NELL2: variants seen among roughly 807,000 people sequenced by gnomAD.
The protein encoded by NELL2 is protein kinase C-binding protein NELL2.
A neutral mutation model predicts 109.6 loss-of-function variants in NELL2; 41 were observed. The ratio of observed to expected loss-of-function variants is 0.37; its 90% CI spans 0.29 to 0.49. The LOEUF is 0.49. Among genes scored for constraint, NELL2 ranks in the 20% least tolerant of loss-of-function variants. The pLI, the probability that NELL2 is intolerant of heterozygous loss-of-function variation, is 0.98. For missense variants in NELL2, 900 were observed against 1,008.3 expected, an observed-to-expected ratio of 0.89 and a Z score of 1.45; for synonymous variants, 355 against 344.7, an observed-to-expected ratio of 1.03 and a Z score of -0.33.
chr12:44,614,960 TTA>T (rs1945765729), intron 13 of NELL2, among the ~76,000 whole-genome samples: 1 of 152,070 alleles, frequency 6.6e-6, no homozygotes, highest in Admixed American at 6.6e-5. Flanking sequence ...TAAATTCAAT[TTA>T]GTACATTTTT....
At chr12:44,812,230 A>T (rs1372267412) in intron 3 of NELL2, among the ~76,000 whole-genome samples, 1 of 152,176 alleles carries the variant, frequency 6.6e-6, no homozygotes, top group African/African-American at 2.4e-5. Flanking sequence ...TTGGTTGTAT[A>T]TGACTGTCTT....
At chr12:44,916,191 C>T (rs1220801101), upstream of NELL2, among the ~76,000 whole-genome samples, 1 of 152,084 alleles carries the variant, frequency 6.6e-6, no homozygotes, top group Admixed American at 6.5e-5. Context: ...CAATGTTAGC[C>T]ACATGAAAGC....
At chr12:44,632,267 G>C (rs1215592438) in intron 13 of NELL2, among the ~76,000 whole-genome samples, 2 of 152,084 alleles carry the variant, frequency 1.3e-5, no homozygotes, top group East Asian at 3.8e-4. Flanking sequence ...ATACAAGTCA[G>C]GTGTCTAATC....
intron 13 of NELL2, among the ~76,000 whole-genome samples, chr12:44,626,254 C>T (rs1030336699): frequency 6.6e-6 from 1 of 152,174 alleles, no homozygotes. Flanking sequence ...GCCATGGCCA[C>T]AGTGTGCCCT....
intron 2 of NELL2, among the ~76,000 whole-genome samples, chr12:44,820,806 A>T (rs1423361362): frequency 1.3e-5 from 2 of 152,176 alleles, no homozygotes; most frequent in African/African-American, 4.8e-5. Flanking sequence ...TAGTGATTTT[A>T]AAATGCCATA....
chr12:44,519,788 T>G (rs750547229), intron 19 of NELL2, among the ~76,000 whole-genome samples: 1 of 152,180 alleles, frequency 6.6e-6, no homozygotes, highest in Non-Finnish European at 1.5e-5. Flanking sequence ...CGGATCATTC[T>G]GGTTTTAGTC....
chr12:44,698,255 G>T (rs1333671196), intron 12 of NELL2, among the ~76,000 whole-genome samples: 4 of 152,174 alleles, frequency 2.6e-5, no homozygotes, highest in African/African-American at 9.7e-5. Flanking sequence ...TAAATGTGAG[G>T]TGGGGTGTGA....
chr12:44,864,203 A>C (rs2136815420), intron 2 of NELL2, among the ~76,000 whole-genome samples: 1 of 152,312 alleles, frequency 6.6e-6, no homozygotes, highest in Middle Eastern at 3.4e-3. Context: ...ACCTGTAGTA[A>C]GTTCTTACCT....
At chr12:44,757,777 A>G (rs963925382) in intron 9 of NELL2, among the ~76,000 whole-genome samples, 5 of 152,124 alleles carry the variant, frequency 3.3e-5, no homozygotes, top group Admixed American at 2.0e-4. Context: ...CAGTATTTTT[A>G]TAATAGTGAA....
At chr12:44,774,587 A>C (rs182556566) in intron 9 of NELL2, 160 bp downstream of exon 9, 68 of 635,550 alleles carry the variant, frequency 1.1e-4, no homozygotes, top group Middle Eastern at 3.6e-4. Flanking sequence ...TTAAAATGGA[A>C]AAGAACTAAT....
intron 2 of NELL2, among the ~76,000 whole-genome samples, chr12:44,821,805 C>A (rs921221291): frequency 5.9e-5 from 9 of 152,116 alleles, no homozygotes; most frequent in African/African-American, 2.2e-4. Flanking sequence ...GCAACCTTCG[C>A]CTCCCAGGTT....
At chr12:44,860,909 G>A (rs1001841041) in intron 2 of NELL2, among the ~76,000 whole-genome samples, 6 of 152,102 alleles carry the variant, frequency 3.9e-5, no homozygotes, top group Admixed American at 3.9e-4. Flanking sequence ...CCAGCCCACT[G>A]AAGTATCAAC....
chr12:44,839,074 T>G (rs1395237011), intron 2 of NELL2, among the ~76,000 whole-genome samples: 1 of 152,152 alleles, frequency 6.6e-6, no homozygotes, highest in Admixed American at 6.6e-5. Flanking sequence ...CCGCGCACGC[T>G]TCAATCTGTG....
At chr12:44,693,492 A>T (rs1204137822) in intron 12 of NELL2, among the ~76,000 whole-genome samples, 1 of 152,212 alleles carries the variant, frequency 6.6e-6, no homozygotes, top group Non-Finnish European at 1.5e-5. Flanking sequence ...GTCTTCAATT[A>T]GCTTTGTATG....
chr12:44,561,000 TC>T (rs1441519640), intron 15 of NELL2, among the ~76,000 whole-genome samples: 2 of 152,212 alleles, frequency 1.3e-5, no homozygotes, highest in African/African-American at 4.8e-5. Context: ...GTCGGCTTCA[TC>T]CCTGGGATGC....
chr12:44,913,961 C>A (rs1592719391), upstream of NELL2: 5 of 355,998 alleles, frequency 1.4e-5, no homozygotes, highest in South Asian at 1.6e-4. Context: ...GGAGTCATTT[C>A]TCTCACATCC....
At chr12:44,650,066 G>A (rs1282933097) in intron 13 of NELL2, among the ~76,000 whole-genome samples, 1 of 152,212 alleles carries the variant, frequency 6.6e-6, no homozygotes, top group African/African-American at 2.4e-5. Context: ...TCGCAAAGGA[G>A]TTGCAAATTG....
At chr12:44,802,484 A>G (rs1026803242) in intron 3 of NELL2, among the ~76,000 whole-genome samples, 1 of 152,114 alleles carries the variant, frequency 6.6e-6, no homozygotes, top group South Asian at 2.1e-4. Context: ...CGTATGTGAT[A>G]TATCAGTTCA....
intron 2 of NELL2, among the ~76,000 whole-genome samples, chr12:44,837,293 G>A (rs1473143766): frequency 2.6e-5 from 4 of 152,098 alleles, no homozygotes; most frequent in Non-Finnish European, 5.9e-5. Context: ...CTTTGTTGTG[G>A]GGAGCTTCTG....
Sources: gnomAD v4.1 joint callset for allele counts (sites outside exome capture counted in the v4.1 genomes callset) on GRCh38, gnomAD v4.1.1 for gene constraint, MANE v1.5 for transcripts, NCBI Gene and HGNC (gene_info 2026-07-23, HGNC 2026-07-21) for gene names.